Variants in BRINP3 observed in about 807,000 individuals in gnomAD.
BRINP3 encodes the protein BMP/retinoic acid inducible neural specific 3, also known as BMP/retinoic acid-inducible neural-specific protein 3.
In BRINP3, 19 loss-of-function variants were observed where a neutral mutation model predicts 71.0. The observed-to-expected ratio is 0.27, with a 90% CI of 0.19 to 0.39. BRINP3 has a LOEUF of 0.39. BRINP3 is among the 10% of genes least tolerant of loss of function. BRINP3 has a pLI of 1.00. For synonymous variants in BRINP3, 380 were observed against 337.7 expected (o/e 1.13, Z -1.37); for missense variants, 959 against 940.8 (o/e 1.02, Z -0.25).
intron 3 of BRINP3, among the ~76,000 whole-genome samples, chr1:190,273,155 A>G (rs1308564485): frequency 6.6e-6 from 1 of 150,718 alleles, no homozygotes; most frequent in Admixed American, 6.7e-5. Context: ...CTCAATTTTT[A>G]CTGTAACTTT....
intron 6 of BRINP3, among the ~76,000 whole-genome samples, chr1:190,224,492 T>A (rs1009909180): frequency 1.3e-5 from 2 of 151,830 alleles, no homozygotes; most frequent in African/African-American, 4.8e-5. Flanking sequence ...AAAAATAAAT[T>A]ATAGACTTAA....
intron 6 of BRINP3, among the ~76,000 whole-genome samples, chr1:190,200,708 T>C (rs558598839): frequency 2.0e-5 from 3 of 152,128 alleles, no homozygotes; most frequent in South Asian, 2.1e-4. Flanking sequence ...GATGATTGAA[T>C]CATGGGGCAG....
At chr1:190,468,386 C>A (rs1179154816) in intron 1 of BRINP3, among the ~76,000 whole-genome samples, 1 of 151,262 alleles carries the variant, frequency 6.6e-6, no homozygotes, top group East Asian at 1.9e-4. Flanking sequence ...AAAAGCCTGT[C>A]ATATAATGAC....
intron 2 of BRINP3, among the ~76,000 whole-genome samples, chr1:190,377,548 AATAT>A (rs150192290): frequency 5.6e-4 from 82 of 146,098 alleles, no homozygotes; most frequent in African/African-American, 1.9e-3. Context: ...CAGAGGAAAT[AATAT>A]ATATATATAT....
rs146029229 is a variant in BRINP3, at chr1:190,449,133, T to C, written c.236+5522A>G. On this transcript the variant is annotated intron_variant, in intron 2 of 7. Coordinates refer to ENST00000367462, the MANE Select transcript of BRINP3 (RefSeq NM_199051.3). ...CTCTTCCAAGAATTATATTTTAACA[T>C]TTCCTTGAAATTTTAAAACAATATT... is the stretch of plus-strand genomic sequence containing the variant. Among the ~76,000 whole-genome samples the C allele has an allele frequency of 7.6e-3, 1,161 of 152,184 alleles. 4 individuals carry two copies. The highest frequency in any genetic ancestry group is 0.011 in the Non-Finnish European group (773 of 67,936).
At chr1:190,300,663 G>A (rs992935095) in intron 2 of BRINP3, among the ~76,000 whole-genome samples, 2 of 152,006 alleles carry the variant, frequency 1.3e-5, no homozygotes, top group Admixed American at 6.6e-5. Flanking sequence ...CCCAGCAGGG[G>A]CAGACTGACA....
chr1:190,183,140 C>T (rs1222812281), intron 6 of BRINP3, among the ~76,000 whole-genome samples: 1 of 152,010 alleles, frequency 6.6e-6, no homozygotes, highest in Non-Finnish European at 1.5e-5. Flanking sequence ...CAAGCATGTT[C>T]ATAATTTTCA....
chr1:190,117,026 TCTC>T (rs1377421301), intron 7 of BRINP3, among the ~76,000 whole-genome samples: 2 of 152,044 alleles, frequency 1.3e-5, no homozygotes, highest in African/African-American at 4.8e-5. Context: ...TGCTATTTAA[TCTC>T]CTCCTTCATA....
chr1:190,242,116 CAT>C (rs1659157137), intron 4 of BRINP3, among the ~76,000 whole-genome samples: 1 of 151,728 alleles, frequency 6.6e-6, no homozygotes, highest in South Asian at 2.1e-4. Flanking sequence ...AATTTTCAAA[CAT>C]ATTATTAATT....
At position 190,300,097 on chromosome 1, in the gene BRINP3, G is replaced by T. The variant is rs544944553; in HGVS notation, c.237-18347C>A. Among the ~76,000 whole-genome samples, 118 of 152,162 alleles carry T rather than the reference G, an allele frequency of 7.8e-4. 1 individual carries two copies. The Middle Eastern group carries it at 0.017, about 22-fold the overall frequency. The stretch of plus-strand genomic sequence containing the variant: ...ATTTCCTGAATCTGAATGTTGGCCT[G>T]CCTTGCTAGATTGTGGAAGTTCTCC... On this transcript the variant is annotated intron_variant, in intron 2 of 7. Coordinates refer to ENST00000367462, the MANE Select transcript of BRINP3 (RefSeq NM_199051.3).
chr1:190,186,348 C>A (rs972987735), intron 6 of BRINP3, among the ~76,000 whole-genome samples: 9 of 151,936 alleles, frequency 5.9e-5, no homozygotes, highest in Non-Finnish European at 1.3e-4. Flanking sequence ...GCCAGGGCAA[C>A]GAGAGTGAAA....
At chr1:190,263,131 A>G (rs1291076862) in intron 4 of BRINP3, among the ~76,000 whole-genome samples, 1 of 152,180 alleles carries the variant, frequency 6.6e-6, no homozygotes, top group East Asian at 1.9e-4. Flanking sequence ...GATTTCTTCT[A>G]TTAGAAAATA....
intron 4 of BRINP3, among the ~76,000 whole-genome samples, chr1:190,234,800 C>A (rs552551370): frequency 6.6e-6 from 1 of 152,092 alleles, no homozygotes; most frequent in African/African-American, 2.4e-5. Context: ...TGGAAGACAG[C>A]GAGTTCTGAC....
At chr1:190,412,428 C>A (rs1404033774) in intron 2 of BRINP3, among the ~76,000 whole-genome samples, 1 of 138,316 alleles carries the variant, frequency 7.2e-6, no homozygotes, top group South Asian at 2.3e-4. Context: ...CTTTTTTTTA[C>A]TATGTAGTAC....
At chr1:190,229,892 G>A (rs1444243756) in intron 5 of BRINP3, among the ~76,000 whole-genome samples, 1 of 151,354 alleles carries the variant, frequency 6.6e-6, no homozygotes, top group East Asian at 1.9e-4. Flanking sequence ...TGGTATAGAG[G>A]GTGTCAAACA....
chr1:190,469,464 T>G (rs539169384), intron 1 of BRINP3, among the ~76,000 whole-genome samples: 1 of 151,236 alleles, frequency 6.6e-6, no homozygotes, highest in Admixed American at 6.6e-5. Context: ...ATTAATTATC[T>G]TAAAATAGTA....
At chr1:190,304,046 A>C (rs1229818662) in intron 2 of BRINP3, among the ~76,000 whole-genome samples, 5 of 151,846 alleles carry the variant, frequency 3.3e-5, no homozygotes, top group African/African-American at 1.2e-4. Context: ...TTTTAAAAAA[A>C]TGGAAACCTG....
intron 1 of BRINP3, among the ~76,000 whole-genome samples, chr1:190,459,031 TTAAG>T (rs568075394): frequency 1.5e-3 from 221 of 151,812 alleles, no homozygotes; most frequent in African/African-American, 5.0e-3. Flanking sequence ...TGGTGTTTAA[TTAAG>T]TATTTATGGT....
chr1:190,300,269 A>C (rs1191629937), intron 2 of BRINP3, among the ~76,000 whole-genome samples: 1 of 151,932 alleles, frequency 6.6e-6, no homozygotes, highest in African/African-American at 2.4e-5. Context: ...TTTTTTCTCT[A>C]AACTACCCTT....
Sources: allele counts gnomAD v4.1 joint callset (sites outside exome capture counted in the v4.1 genomes callset), GRCh38; gene constraint gnomAD v4.1.1; transcripts MANE v1.5; gene names NCBI Gene and HGNC (gene_info 2026-07-23, HGNC 2026-07-21).